Variants in SULT2B1 observed in about 807,000 individuals in gnomAD.
The protein encoded by SULT2B1 is sulfotransferase family 2B member 1.
SULT2B1 carries 16 observed loss-of-function variants against 33.2 expected under a neutral mutation model. That is an observed-to-expected ratio of 0.48 (90% CI 0.33 to 0.73). SULT2B1 has a LOEUF of 0.73. SULT2B1 is among the 30% of genes least tolerant of loss of function. SULT2B1 has a pLI of 0.02. For missense variants in SULT2B1, 500 were observed against 506.0 expected (o/e 0.99, Z 0.11); for synonymous variants, 186 against 200.5 (o/e 0.93, Z 0.61).
At chr19:48,555,886 C>T (rs1319513618) in intron 1 of SULT2B1, among the ~76,000 whole-genome samples, 1 of 152,042 alleles carries the variant, frequency 6.6e-6, no homozygotes, top group Non-Finnish European at 1.5e-5. Context: ...ATTACAGGCA[C>T]ACTCTACCAT....
At chr19:48,553,987 C>T (rs1246341604) in intron 1 of SULT2B1, among the ~76,000 whole-genome samples, 11 of 152,148 alleles carry the variant, frequency 7.2e-5, no homozygotes, top group East Asian at 1.9e-4. Context: ...TTTATCTCCG[C>T]GACGGCTCTG....
intron 5 of SULT2B1, 137 bp from the exon 6 acceptor site, chr19:48,596,602 A>G: frequency 2.3e-6 from 2 of 883,930 alleles, no homozygotes; most frequent in South Asian, 3.5e-5. Context: ...CTCAGTTTGG[A>G]GTTGGGGAAA....
chr19:48,560,077 C>T (rs1237409088), intron 1 of SULT2B1, among the ~76,000 whole-genome samples: 1 of 152,108 alleles, frequency 6.6e-6, no homozygotes, highest in East Asian at 1.9e-4. Context: ...AAGGACTGCC[C>T]TCAGGGTTGA....
chr19:48,582,124 C>T (rs1449471424), intron 2 of SULT2B1, among the ~76,000 whole-genome samples: 1 of 151,732 alleles, frequency 6.6e-6, no homozygotes, highest in East Asian at 1.9e-4. Context: ...AGGCTGGTCT[C>T]GAACCCCTGA....
At chr19:48,564,529 G>A (rs768777464) in intron 1 of SULT2B1, among the ~76,000 whole-genome samples, 35 of 128,966 alleles carry the variant, frequency 2.7e-4, no homozygotes, top group Non-Finnish European at 4.0e-4. Context: ...TCCAGCCTGG[G>A]CAACAGAGCG....
At chr19:48,560,982 A>G (rs891164768) in intron 1 of SULT2B1, among the ~76,000 whole-genome samples, 3 of 151,402 alleles carry the variant, frequency 2.0e-5, no homozygotes, top group South Asian at 2.1e-4. Context: ...AAAAATAAAA[A>G]TTAGCCAGGT....
chr19:48,576,596 C>T (rs999067993), intron 2 of SULT2B1, among the ~76,000 whole-genome samples: 4 of 150,728 alleles, frequency 2.7e-5, no homozygotes, highest in African/African-American at 7.3e-5. Flanking sequence ...CTTGGCCTCC[C>T]AAAGTGCTGG....
intron 3 of SULT2B1, chr19:48,591,284 A>G (rs993503733): frequency 1.0e-5 from 2 of 194,310 alleles, no homozygotes; most frequent in Non-Finnish European, 2.1e-5. Flanking sequence ...GTGAGTAACC[A>G]ACATGGTAAA....
chr19:48,570,747 CAG>C (rs1402995902), intron 1 of SULT2B1, among the ~76,000 whole-genome samples: 1 of 150,816 alleles, frequency 6.6e-6, no homozygotes, highest in African/African-American at 2.4e-5. Flanking sequence ...TTTTCTGAGA[CAG>C]AGTCTCACTC....
In SULT2B1 at chr19:48,552,300, TGAA is replaced by T. The variant is rs768360617; in HGVS notation, c.51_53del (p.Glu17del). On this transcript the variant is annotated inframe_deletion, in exon 1 of 7. Transcript: ENST00000201586. This position sits in a 1 kb window ranked among gnomAD's most constrained non-coding sequence, Gnocchi z 4.8. Reference sequence around the variant, plus strand: ...AGATCCCGGGCTTGTGGGACACCTATGAAGATGACATCTCGGAAATCAGGTGAG... The same window carrying T: ...AGATCCCGGGCTTGTGGGACACCTATGATGACATCTCGGAAATCAGGTGAG... The T allele has an allele frequency of 4.9e-4, 790 of 1,613,790 alleles. No individual in the cohort carries two copies. The highest frequency in any genetic ancestry group is 6.3e-4 in the Non-Finnish European group (743 of 1,179,930).
At chr19:48,591,787 C>A (rs1275702862) in intron 4 of SULT2B1, 52 bp downstream of exon 4, 4 of 1,508,968 alleles carry the variant, frequency 2.7e-6, no homozygotes, top group Non-Finnish European at 1.8e-6. Context: ...CCCCAGAGGA[C>A]CCTGATGGGC....
chr19:48,557,959 T>C (rs1973122492), intron 1 of SULT2B1, among the ~76,000 whole-genome samples: 2 of 151,816 alleles, frequency 1.3e-5, no homozygotes, highest in Non-Finnish European at 2.9e-5. Flanking sequence ...AAAAATAAAA[T>C]CGTAAGAGGA....
intron 1 of SULT2B1, among the ~76,000 whole-genome samples, chr19:48,573,273 G>A (rs905281849): frequency 6.6e-6 from 1 of 152,052 alleles, no homozygotes; most frequent in Non-Finnish European, 1.5e-5. Context: ...CCACCCGGAG[G>A]AGCTCTGTCT....
chr19:48,580,939 G>T (rs1318260551), intron 2 of SULT2B1, among the ~76,000 whole-genome samples: 1 of 150,024 alleles, frequency 6.7e-6, no homozygotes, highest in Non-Finnish European at 1.5e-5. Flanking sequence ...GTGCCTACTG[G>T]TGTTTCACTG....
intron 2 of SULT2B1, among the ~76,000 whole-genome samples, chr19:48,579,127 A>T (rs984182925): frequency 1.3e-5 from 2 of 152,130 alleles, no homozygotes; most frequent in Non-Finnish European, 2.9e-5. Flanking sequence ...ACCACATTGT[A>T]GCATGTGTCA....
intron 2 of SULT2B1, among the ~76,000 whole-genome samples, chr19:48,581,029 C>CTTTTTTTTTT (rs57093444): frequency 1.4e-4 from 9 of 65,068 alleles, no homozygotes; most frequent in Non-Finnish European, 1.6e-4. Flanking sequence ...ATATATATTC[C>CTTTTTTTTTT]TTTTTTTTTT....
intron 1 of SULT2B1, among the ~76,000 whole-genome samples, chr19:48,562,852 G>A (rs1973199200): frequency 6.6e-6 from 1 of 151,758 alleles, no homozygotes; most frequent in Non-Finnish European, 1.5e-5. Flanking sequence ...GCTAATTTTT[G>A]TATTTTTAGT....
chr19:48,573,745 C>T (rs1973363003), intron 1 of SULT2B1, among the ~76,000 whole-genome samples: 1 of 152,148 alleles, frequency 6.6e-6, no homozygotes, highest in Non-Finnish European at 1.5e-5. Context: ...CTCTGTTCAG[C>T]TCTTGTGTGG....
intron 4 of SULT2B1, 95 bp from the exon 5 acceptor site, chr19:48,592,627 G>C: frequency 9.3e-7 from 1 of 1,079,802 alleles, no homozygotes; most frequent in East Asian, 2.6e-5. Context: ...GGACCTGGGG[G>C]TTTGTGGGGC....
Sources: allele counts gnomAD v4.1 joint callset (sites outside exome capture counted in the v4.1 genomes callset), GRCh38; gene constraint gnomAD v4.1.1; non-coding constraint Gnocchi (gnomAD v3.1); transcripts MANE v1.5; gene names NCBI Gene and HGNC (gene_info 2026-07-23, HGNC 2026-07-21).